SNX29: variants seen among roughly 807,000 people sequenced by gnomAD.
The protein encoded by SNX29 is sorting nexin-29.
SNX29 carries 78 observed loss-of-function variants against 102.1 expected under a neutral mutation model. That is an observed-to-expected ratio of 0.76 (90% CI 0.64 to 0.92). The LOEUF (loss-of-function observed/expected upper bound fraction) is 0.92, where lower values mean the gene tolerates loss of function less well. Ranked by LOEUF, SNX29 falls within the 40% of genes least tolerant of loss-of-function variation. SNX29 has a pLI of 0.00. For missense variants in SNX29, 1,280 were observed against 1,061.7 expected (o/e 1.21, Z -2.86); for synonymous variants, 580 against 414.5 (o/e 1.40, Z -4.85).
intron 20 of SNX29, among the ~76,000 whole-genome samples, chr16:12,556,146 T>A (rs79600892): frequency 0.015 from 2,334 of 152,120 alleles, 56 homozygotes; most frequent in African/African-American, 0.053. Flanking sequence ...ATGGTTGGAG[T>A]GGTTAAATCG....
chr16:12,481,435 T>C (rs1375515558), intron 19 of SNX29, among the ~76,000 whole-genome samples: 1 of 142,520 alleles, frequency 7.0e-6, no homozygotes, highest in Non-Finnish European at 1.5e-5. Flanking sequence ...CATATACACA[T>C]ATATACACAC....
intron 13 of SNX29, among the ~76,000 whole-genome samples, chr16:12,166,665 A>T (rs1418014278): frequency 6.6e-6 from 1 of 152,062 alleles, no homozygotes; most frequent in Non-Finnish European, 1.5e-5. Context: ...CTCCTGGAAA[A>T]CCCAAAGATC....
intron 13 of SNX29, among the ~76,000 whole-genome samples, chr16:12,148,692 GTTTTA>G (rs576211101): frequency 1.2e-4 from 18 of 152,104 alleles, no homozygotes; most frequent in South Asian, 4.2e-4. Flanking sequence ...CCTTTGTCTT[GTTTTA>G]TTTTATTTTA....
intron 14 of SNX29, among the ~76,000 whole-genome samples, chr16:12,211,770 G>C (rs368662721): frequency 6.6e-6 from 1 of 152,122 alleles, no homozygotes; most frequent in Non-Finnish European, 1.5e-5. Context: ...TTTTTTGTTT[G>C]TTTGTTTGTT....
intron 14 of SNX29, among the ~76,000 whole-genome samples, chr16:12,273,594 G>C (rs1323127672): frequency 6.6e-6 from 1 of 152,102 alleles, no homozygotes; most frequent in Non-Finnish European, 1.5e-5. Context: ...TTGACCTCAG[G>C]TGATCTGCCC....
At chr16:12,370,623 C>G (rs151017757) in intron 16 of SNX29, among the ~76,000 whole-genome samples, 1 of 152,192 alleles carries the variant, frequency 6.6e-6, no homozygotes. Context: ...CACGTAGGCA[C>G]TTTGGGCGAG....
At chr16:12,486,468 C>A (rs1391927721) in intron 19 of SNX29, among the ~76,000 whole-genome samples, 1 of 152,228 alleles carries the variant, frequency 6.6e-6, no homozygotes, top group Non-Finnish European at 1.5e-5. Context: ...ACAACTCTTA[C>A]TGTTAGCCCA....
rs745826333 is a variant in SNX29, at chr16:12,572,694, C to T, written c.*4065C>T. The T allele has an allele frequency of 4.2e-5, 45 of 1,063,712 alleles. No individual in the cohort carries two copies. Among genetic ancestry groups the T allele is most frequent in the African/African-American group, 8.2e-5 (5 of 60,948 alleles). 65.9% of individuals were successfully genotyped at this position (1,063,712 alleles called of 1,614,324 possible). A position where few individuals can be genotyped will look rare whatever the true frequency, so the allele number is the denominator to read the frequency against. ...CCCACACGGGGGAAGCCCTGCACTC[C>T]AGCAGCATCTTCCAGCCTTGGCACA... On this transcript the variant is annotated 3_prime_UTR_variant, in exon 21 of 21. Transcript: ENST00000566228.
chr16:12,275,807 A>T (rs569234820), intron 14 of SNX29, among the ~76,000 whole-genome samples: 1 of 150,362 alleles, frequency 6.7e-6, no homozygotes, highest in African/African-American at 2.5e-5. Flanking sequence ...ATTATGATAG[A>T]TGTATACAAA....
At chr16:12,141,703 T>A (rs1674064202) in intron 13 of SNX29, among the ~76,000 whole-genome samples, 1 of 152,248 alleles carries the variant, frequency 6.6e-6, no homozygotes, top group African/African-American at 2.4e-5. Context: ...CTGGTGGGAA[T>A]GTCCTTAGCA....
At chr16:12,292,904 C>G (rs954901542) in intron 15 of SNX29, among the ~76,000 whole-genome samples, 2 of 152,156 alleles carry the variant, frequency 1.3e-5, no homozygotes, top group African/African-American at 4.8e-5. Flanking sequence ...TAAGTTCTTA[C>G]AGAAGAATTT....
In SNX29 at chr16:12,536,922, G is replaced by C. The variant is rs548541553; in HGVS notation, c.2318+12081G>C. Among the ~76,000 whole-genome samples, 3 of 152,318 alleles carry C rather than the reference G, an allele frequency of 2.0e-5. No individual in the cohort carries two copies. In the South Asian group the frequency reaches 6.2e-4, roughly 32 times the overall value. On this transcript the variant is annotated intron_variant, in intron 20 of 20. Transcript: ENST00000566228. ...GCCCGGGAGGTGGAGGTTGCAGTGA[G>C]CCGAGATCACAGCACTGCACTCCAG...
intron 15 of SNX29, among the ~76,000 whole-genome samples, chr16:12,329,276 C>CAAA (rs55968518): frequency 0.067 from 5,917 of 88,796 alleles, 549 homozygotes; most frequent in African/African-American, 0.17. Context: ...GACCTTGTCT[C>CAAA]AAAAAAAAAA....
chr16:12,368,454 C>T (rs946947642), intron 16 of SNX29, among the ~76,000 whole-genome samples: 7 of 152,220 alleles, frequency 4.6e-5, no homozygotes, highest in African/African-American at 9.6e-5. Flanking sequence ...CATCGCCTGT[C>T]GGTCACTGTG....
At chr16:12,423,001 C>G (rs886272411) in intron 18 of SNX29, among the ~76,000 whole-genome samples, 2 of 152,186 alleles carry the variant, frequency 1.3e-5, no homozygotes, top group African/African-American at 4.8e-5. Flanking sequence ...CATTATAAGA[C>G]TCAGGCTTCT....
chr16:12,545,027 G>A (rs1024823910), intron 20 of SNX29, among the ~76,000 whole-genome samples: 14 of 152,182 alleles, frequency 9.2e-5, no homozygotes. Context: ...GTCGGCTTCA[G>A]TAGCCAGGTC....
chr16:12,395,212 C>A (rs946190559), intron 16 of SNX29, among the ~76,000 whole-genome samples: 1 of 152,158 alleles, frequency 6.6e-6, no homozygotes, highest in Non-Finnish European at 1.5e-5. Flanking sequence ...TGAGGACTTG[C>A]CAGTCAAAGT....
intron 1 of SNX29, among the ~76,000 whole-genome samples, chr16:11,985,166 A>T (rs1175113403): frequency 2.0e-5 from 3 of 152,048 alleles, no homozygotes; most frequent in Admixed American, 6.6e-5. Flanking sequence ...TGGTTGCACT[A>T]GTTTCAATGC....
At chr16:12,069,274 C>A in intron 10 of SNX29, 142 bp downstream of exon 10, 2 of 693,738 alleles carry the variant, frequency 2.9e-6, no homozygotes, top group Non-Finnish European at 4.5e-6. Flanking sequence ...CAGATTTAGT[C>A]TTTTTTTTTG....
Sources: gnomAD v4.1 joint callset for allele counts (sites outside exome capture counted in the v4.1 genomes callset) on GRCh38, gnomAD v4.1.1 for gene constraint, MANE v1.5 for transcripts, NCBI Gene and HGNC (gene_info 2026-07-23, HGNC 2026-07-21) for gene names.